NXPE4: variants seen among roughly 807,000 people sequenced by gnomAD.
NXPE4 encodes the protein neurexophilin and PC-esterase domain family member 4.
A neutral mutation model predicts 33.3 loss-of-function variants in NXPE4; 42 were observed. That is an observed-to-expected ratio of 1.26 (90% confidence interval 0.98 to 1.63). The LOEUF is 1.63. NXPE4 is among the 40% of genes most tolerant of loss of function. The pLI is 0.00. For synonymous variants in NXPE4, 253 were observed against 234.9 expected, an observed-to-expected ratio of 1.08 and a Z score of -0.71; for missense variants, 709 against 647.6, an observed-to-expected ratio of 1.09 and a Z score of -1.03.
chr11:114,593,571 T>C (rs750512034), intron 2 of NXPE4, among the ~76,000 whole-genome samples: 7 of 152,168 alleles, frequency 4.6e-5, no homozygotes, highest in Non-Finnish European at 7.4e-5. Context: ...TGTACACTGT[T>C]GGTGGGAATG....
Position 114,582,409 on chromosome 11 carries a change from C to A in NXPE4, c.709G>T (p.Asp237Tyr). ...CTCACACAGTAGAAGCCTTCTTGGT[C>A]TCTGTTGTCCAGGTACTGGCACAAT... The part of the protein sequence containing the change: ...AELCQYLDNR[D>Y]QEGFYCVRPQ... Residue 237 changes from aspartate (D) to tyrosine (Y), a missense_variant, in exon 3 of 6, where the codon GAC (aspartate) becomes TAC (tyrosine). Physicochemically the swap from Asp to Tyr is radical, Grantham distance 160. Transcript: ENST00000375478. 1.9e-6 allele frequency: 3 copies of A among 1,614,204 alleles called. No individual in the cohort carries two copies. Among genetic ancestry groups the A allele is most frequent in the Non-Finnish European group, 2.5e-6 (3 of 1,180,022 alleles).
At chr11:114,652,731 A>G in the NXPE4 span, among the ~76,000 whole-genome samples, 1 of 147,930 alleles carries the variant, frequency 6.8e-6, no homozygotes. Flanking sequence ...ATGAAGAGTG[A>G]TAGAGCACAG....
Position 114,571,314 on chromosome 11 carries a change from A to G in NXPE4, c.1259T>C (p.Ile420Thr), listed in dbSNP as rs775022928. The change falls in exon 6 of 6, where the codon ATT becomes ACT. Residue 420 changes from isoleucine to threonine, a missense_variant. Physicochemically the swap from Ile to Thr is moderately conservative, Grantham distance 89 (BLOSUM62 -1). Coordinates refer to ENST00000375478, the MANE Select transcript of NXPE4 (RefSeq NM_001077639.2). ...VKEMEYLTRA[I>T]DRTGGEKNTV... ...ATTTTTTTCTCCTCCAGTTCTGTCA[A>G]TGGCCCGGGTGAGGTACTCCATCTC... The G allele has an allele frequency of 7.4e-6, 12 of 1,613,894 alleles. No individual in the cohort carries two copies. Among genetic ancestry groups the G allele is most frequent in the Admixed American group, 1.7e-5 (1 of 59,982 alleles).
intron 5 of NXPE4, among the ~76,000 whole-genome samples, chr11:114,575,324 A>G (rs2135189288): frequency 6.6e-6 from 1 of 152,252 alleles, no homozygotes. Flanking sequence ...TCAACATAGT[A>G]CTGGAAGTCC....
chr11:114,665,290 T>G, the NXPE4 span, among the ~76,000 whole-genome samples: 1 of 152,288 alleles, frequency 6.6e-6, no homozygotes, highest in East Asian at 1.9e-4. Context: ...TGCTAATTTC[T>G]CCCCCACAAT....
the NXPE4 span, among the ~76,000 whole-genome samples, chr11:114,618,262 C>T: frequency 1.3e-5 from 2 of 152,088 alleles, no homozygotes; most frequent in South Asian, 4.1e-4. Context: ...CCACTGCTAC[C>T]CACTGGATAA....
intron 5 of NXPE4, among the ~76,000 whole-genome samples, chr11:114,579,856 T>C (rs1275772692): frequency 6.6e-6 from 1 of 152,184 alleles, no homozygotes; most frequent in Non-Finnish European, 1.5e-5. Flanking sequence ...TATCTTTGGT[T>C]CCATCAATAG....
At chr11:114,589,686 T>A (rs886443229) in intron 2 of NXPE4, among the ~76,000 whole-genome samples, 2 of 152,140 alleles carry the variant, frequency 1.3e-5, no homozygotes, top group African/African-American at 2.4e-5. Flanking sequence ...GTAACCACTA[T>A]GCCAGTCTGG....
chr11:114,610,131 G>T, the NXPE4 span, among the ~76,000 whole-genome samples: 1 of 151,822 alleles, frequency 6.6e-6, no homozygotes, highest in Non-Finnish European at 1.5e-5. Flanking sequence ...GTTACCCCGT[G>T]GATAATAAGT....
chr11:114,616,691 C>T, the NXPE4 span, among the ~76,000 whole-genome samples: 2 of 151,592 alleles, frequency 1.3e-5, no homozygotes, highest in Non-Finnish European at 2.9e-5. Context: ...CGTGTTGCCT[C>T]GTCTGAAACC....
At chr11:114,673,867 T>C in the NXPE4 span, among the ~76,000 whole-genome samples, 51 of 151,936 alleles carry the variant, frequency 3.4e-4, no homozygotes, top group African/African-American at 4.8e-4. Flanking sequence ...GGAAATTCTT[T>C]GTGAATTCCT....
chr11:114,640,312 T>C, the NXPE4 span, among the ~76,000 whole-genome samples: 1 of 146,544 alleles, frequency 6.8e-6, no homozygotes. Flanking sequence ...TTTATATATT[T>C]ATATATTATA....
the NXPE4 span, among the ~76,000 whole-genome samples, chr11:114,638,197 G>T: frequency 1.3e-4 from 20 of 151,276 alleles, no homozygotes; most frequent in African/African-American, 4.9e-4. Context: ...TTCCCTTCTC[G>T]CTTCATTTCA....
At chr11:114,640,196 T>C in the NXPE4 span, among the ~76,000 whole-genome samples, 2 of 134,092 alleles carry the variant, frequency 1.5e-5, no homozygotes, top group African/African-American at 2.7e-5. Flanking sequence ...ATATAATTTA[T>C]ATATATTATA....
the NXPE4 span, among the ~76,000 whole-genome samples, chr11:114,667,490 C>A: frequency 6.6e-6 from 1 of 152,044 alleles, no homozygotes; most frequent in East Asian, 1.9e-4. Flanking sequence ...GAACCCAATT[C>A]CCCACCTCTT....
In NXPE4 at chr11:114,582,599, G is replaced by A. The variant is rs369782046; in HGVS notation, c.519C>T (p.Gly173=). The A allele has an allele frequency of 5.0e-6, 8 of 1,614,106 alleles. No homozygotes were observed. Among genetic ancestry groups the A allele is most frequent in the Non-Finnish European group, 6.8e-6 (8 of 1,179,984 alleles). The change falls in exon 3 of 6, where the codon GGC becomes GGT. Residue 173 remains glycine (G), a synonymous_variant. Coordinates refer to ENST00000375478, the MANE Select transcript of NXPE4 (RefSeq NM_001077639.2). ...YLVSFTLFWE[G]QVSLSLLLIH... Reference sequence around the variant, plus strand: ...TGAGCAGCAGAGACAGAGAGACCTGGCCCTCCCAGAACAGAGTGAAGCTGA... The same window carrying A: ...TGAGCAGCAGAGACAGAGAGACCTGACCCTCCCAGAACAGAGTGAAGCTGA...
At chr11:114,672,981 C>T in the NXPE4 span, among the ~76,000 whole-genome samples, 5 of 150,714 alleles carry the variant, frequency 3.3e-5, no homozygotes, top group Non-Finnish European at 1.5e-5. Flanking sequence ...ACATTCTGCC[C>T]AACAACAACA....
intron 2 of NXPE4, among the ~76,000 whole-genome samples, chr11:114,588,195 C>T (rs757092370): frequency 2.6e-5 from 4 of 152,124 alleles, no homozygotes; most frequent in Non-Finnish European, 4.4e-5. Context: ...CTCTGGGGCC[C>T]CCTCCAGCTG....
chr11:114,643,633 C>A, the NXPE4 span, among the ~76,000 whole-genome samples: 2 of 151,982 alleles, frequency 1.3e-5, 1 homozygote. Context: ...TTTTGGATAC[C>A]AGTTCCATGC....
Sources: gnomAD v4.1 joint callset for allele counts (sites outside exome capture counted in the v4.1 genomes callset) on GRCh38, gnomAD v4.1.1 for gene constraint, MANE v1.5 for transcripts, NCBI Gene and HGNC (gene_info 2026-07-23, HGNC 2026-07-21) for gene names.